TNFRSF10A: variants seen among roughly 807,000 people sequenced by gnomAD.
The protein encoded by TNFRSF10A is tumor necrosis factor receptor superfamily member 10A.
A neutral mutation model predicts 42.8 loss-of-function variants in TNFRSF10A; 44 were observed. That is an observed-to-expected ratio of 1.03 (90% confidence interval 0.81 to 1.32). The LOEUF is 1.32. Among genes scored for constraint, TNFRSF10A ranks in the 40% most tolerant of loss-of-function variants. TNFRSF10A has a pLI of 0.00. For missense variants in TNFRSF10A, 680 were observed against 602.0 expected, an observed-to-expected ratio of 1.13 and a Z score of -1.36; for synonymous variants, 259 against 234.2, an observed-to-expected ratio of 1.11 and a Z score of -0.97.
chr8:23,199,502 G>A, intron 7 of TNFRSF10A, 54 bp from the exon 8 acceptor site: 1 of 1,586,922 alleles, frequency 6.3e-7, no homozygotes, highest in Non-Finnish European at 8.6e-7. Context: ...TCCCCACGGG[G>A]TCCGTAGGGC....
At chr8:23,212,895 A>C (rs1801109733) in intron 1 of TNFRSF10A, among the ~76,000 whole-genome samples, 1 of 152,220 alleles carries the variant, frequency 6.6e-6, no homozygotes. Context: ...CTTCTATATT[A>C]TCAGGGTAAT....
chr8:23,194,612 A>G (rs940555283), intron 9 of TNFRSF10A, among the ~76,000 whole-genome samples: 4 of 152,190 alleles, frequency 2.6e-5, no homozygotes, highest in Admixed American at 2.6e-4. Context: ...GAAAATATCT[A>G]TATATTTAAC....
At chr8:23,202,455 C>T (rs1800945014) in intron 3 of TNFRSF10A, among the ~76,000 whole-genome samples, 193 bp downstream of exon 3, 1 of 151,940 alleles carries the variant, frequency 6.6e-6, no homozygotes, top group Non-Finnish European at 1.5e-5. Context: ...TGATAGTTTG[C>T]ACTACCAGGT....
rs759972278 is a variant in TNFRSF10A, at chr8:23,200,525, A to G, written c.779T>C (p.Val260Ala). Residue 260 changes from valine to alanine, a missense_variant, in exon 6 of 10, where the codon GTC becomes GCC. Coordinates refer to ENST00000221132, the MANE Select transcript of TNFRSF10A (RefSeq NM_003844.4). ...VPLLLVAVLI[V>A]CCCIGSGCGG... ...CCTACCTGAGCCGATGCAACAACAG[A>G]CAATCAGCACAGCCACCAACAGCAA... The G allele has an allele frequency of 3.7e-6, 6 of 1,614,174 alleles. No individual in the cohort carries two copies. The African/African-American group carries it at 4.0e-5, about 11-fold the overall frequency.
At chr8:23,216,400 G>A (rs1275242935) in intron 1 of TNFRSF10A, among the ~76,000 whole-genome samples, 1 of 151,980 alleles carries the variant, frequency 6.6e-6, no homozygotes, top group Non-Finnish European at 1.5e-5. Context: ...TTATAGAAGT[G>A]TATAACCATC....
At chr8:23,197,334 G>A in intron 8 of TNFRSF10A, 130 bp from the exon 9 acceptor site, 2 of 1,085,040 alleles carry the variant, frequency 1.8e-6, no homozygotes, top group Non-Finnish European at 1.4e-6. Context: ...TGGAGATGGT[G>A]AAAAACCTCT....
chr8:23,221,000 C>A (rs528605716), intron 1 of TNFRSF10A, among the ~76,000 whole-genome samples: 2 of 152,348 alleles, frequency 1.3e-5, no homozygotes, highest in South Asian at 4.1e-4. Flanking sequence ...GCAGTGACAT[C>A]TTTGTCCTAA....
At position 23,207,657 on chromosome 8, in the gene TNFRSF10A, C is replaced by G. The variant is rs572480838; in HGVS notation, c.403+4459G>C. ...TGGGAGGTAATTGAATCATGTGGGG[C>G]AGGTCTTTCCCTTGCAGTTCTCATG... On this transcript the variant is annotated intron_variant, in intron 2 of 9. Transcript: ENST00000221132. Among the ~76,000 whole-genome samples, 8 of 152,204 alleles carry G rather than the reference C, an allele frequency of 5.3e-5. No homozygotes were observed. In the East Asian group the frequency reaches 1.4e-3, roughly 26 times the overall value.
rs1031112122 is a variant in TNFRSF10A at position 23,202,785 on chromosome 8, T to C, written c.404-24A>G. On this transcript the variant is annotated intron_variant, in intron 2 of 9. Transcript: ENST00000221132. ...TCCTGGGAAGGGAGAGAAAAGCCAATGAATGAATTGCCACAGAGTTCCCAG... is the reference window on the plus strand; with the variant it reads ...TCCTGGGAAGGGAGAGAAAAGCCAACGAATGAATTGCCACAGAGTTCCCAG... The C allele has an allele frequency of 7.8e-6, 12 of 1,537,728 alleles. No individual in the cohort carries two copies. In the Admixed American group the frequency reaches 1.0e-4, roughly 13 times the overall value.
At chr8:23,205,937 C>G (rs1000751801) in intron 2 of TNFRSF10A, among the ~76,000 whole-genome samples, 1 of 151,938 alleles carries the variant, frequency 6.6e-6, no homozygotes, top group African/African-American at 2.4e-5. Flanking sequence ...AGGATGGTCT[C>G]GATCTCCTGA....
intron 1 of TNFRSF10A, among the ~76,000 whole-genome samples, chr8:23,213,030 C>T (rs546453415): frequency 2.0e-5 from 3 of 152,158 alleles, no homozygotes; most frequent in African/African-American, 7.2e-5. Flanking sequence ...TGGTCCTGGG[C>T]TTTTCTTTGC....
intron 2 of TNFRSF10A, among the ~76,000 whole-genome samples, chr8:23,204,026 C>A (rs1301713541): frequency 6.6e-6 from 1 of 152,164 alleles, no homozygotes; most frequent in Non-Finnish European, 1.5e-5. Flanking sequence ...ATCCACCTGC[C>A]TCGGCCTCCC....
chr8:23,220,622 G>A (rs981618096), intron 1 of TNFRSF10A, among the ~76,000 whole-genome samples: 2 of 152,230 alleles, frequency 1.3e-5, no homozygotes, highest in Non-Finnish European at 2.9e-5. Flanking sequence ...CATGCTCAGG[G>A]CTGGTGTCAG....
At chr8:23,192,967 T>C (rs1800776536) in intron 9 of TNFRSF10A, among the ~76,000 whole-genome samples, 1 of 152,214 alleles carries the variant, frequency 6.6e-6, no homozygotes, top group African/African-American at 2.4e-5. Context: ...GGACCCCTCA[T>C]TCATCTTGAT....
chr8:23,224,708 C>A (rs771074005), intron 1 of TNFRSF10A, 48 bp downstream of exon 1: 8 of 1,531,832 alleles, frequency 5.2e-6, no homozygotes, highest in Non-Finnish European at 7.0e-6. Flanking sequence ...TGCCCCCTCC[C>A]GGTGCCAGGC....
intron 9 of TNFRSF10A, among the ~76,000 whole-genome samples, chr8:23,193,575 TTG>T (rs2128846218): frequency 6.6e-6 from 1 of 152,190 alleles, no homozygotes; most frequent in South Asian, 2.1e-4. Context: ...TTGTTTGTAA[TTG>T]TGTGTTGTTT....
chr8:23,224,315 AAAAAAAAG>A (rs1801300096), intron 1 of TNFRSF10A: 1 of 156,882 alleles, frequency 6.4e-6, no homozygotes, highest in African/African-American at 2.4e-5. Context: ...AAAAAAAAAA[AAAAAAAAG>A]AAGAGAAGAA....
chr8:23,224,622 C>T (rs1432326042), intron 1 of TNFRSF10A, 134 bp downstream of exon 1: 43 of 1,216,252 alleles, frequency 3.5e-5, no homozygotes, highest in African/African-American at 4.7e-5. Context: ...ACTCCGACGA[C>T]GGGCTCCTCC....
chr8:23,212,825 GA>G (rs1801109190), intron 1 of TNFRSF10A, among the ~76,000 whole-genome samples: 1 of 152,182 alleles, frequency 6.6e-6, no homozygotes, highest in Non-Finnish European at 1.5e-5. Context: ...ACTCAATAGT[GA>G]AAGACTAAAG....
Sources: gnomAD v4.1 joint callset for allele counts (sites outside exome capture counted in the v4.1 genomes callset) on GRCh38, gnomAD v4.1.1 for gene constraint, MANE v1.5 for transcripts, NCBI Gene and HGNC (gene_info 2026-07-23, HGNC 2026-07-21) for gene names.